SPATA21: variants seen among roughly 807,000 people sequenced by gnomAD.
SPATA21 encodes spermatogenesis-associated protein 21.
A neutral mutation model predicts 54.8 loss-of-function variants in SPATA21; 47 were observed. That is an observed-to-expected ratio of 0.86 (90% CI 0.68 to 1.09). The LOEUF is 1.09. Among genes scored for constraint, SPATA21 ranks in the 50% least tolerant of loss-of-function variants. SPATA21 has a pLI of 0.00. For synonymous variants in SPATA21, 245 were observed against 235.3 expected, an observed-to-expected ratio of 1.04 and a Z score of -0.38; for missense variants, 599 against 596.4, an observed-to-expected ratio of 1.00 and a Z score of -0.05.
intron 10 of SPATA21, among the ~76,000 whole-genome samples, chr1:16,401,251 G>A (rs2085437800): frequency 1.3e-5 from 2 of 152,200 alleles, no homozygotes; most frequent in Non-Finnish European, 2.9e-5. Context: ...GCAGCATGGT[G>A]TCTGGCACAC....
intron 3 of SPATA21, among the ~76,000 whole-genome samples, chr1:16,424,371 A>G (rs1163289595): frequency 2.7e-5 from 4 of 149,806 alleles, no homozygotes; most frequent in African/African-American, 7.4e-5. Flanking sequence ...TAAGTTTGGG[A>G]AAGGCAATAT....
downstream of SPATA21, chr1:16,397,158 C>T (rs1388777623): frequency 6.6e-6 from 1 of 152,326 alleles, no homozygotes; most frequent in African/African-American, 2.4e-5. This position sits in a 1 kb window ranked among gnomAD's most constrained non-coding sequence, Gnocchi z 5.4. Flanking sequence ...CCCCACTACC[C>T]TCTAGTGGGA....
chr1:16,425,168 C>T (rs774432409), intron 3 of SPATA21: 23 of 472,034 alleles, frequency 4.9e-5, no homozygotes, highest in Non-Finnish European at 8.4e-5. Context: ...CCTTCGGCCT[C>T]CAGAAGTGCT....
chr1:16,431,445 C>T (rs779934745), intron 2 of SPATA21, 23 bp from the exon 3 acceptor site: 35 of 1,594,944 alleles, frequency 2.2e-5, no homozygotes, highest in African/African-American at 8.0e-5. Flanking sequence ...TCCAATCAAG[C>T]GTCCCACCAA....
At position 16,421,679 on chromosome 1, in the gene SPATA21, A is replaced by T. The variant is rs556746745; in HGVS notation, c.96-122T>A. The T allele has an allele frequency of 8.5e-7, 1 of 1,174,744 alleles. No individual in the cohort carries two copies. The highest frequency in any genetic ancestry group is 2.5e-5 in the East Asian group (1 of 40,178). 72.8% of individuals were successfully genotyped at this position (1,174,744 alleles called of 1,614,324 possible). ...CCAGCCTCATCCCCTTGGCCTTCTC[A>T]TCTCAGGGGGCTCCTTATGTCCCCA... is the stretch of plus-strand genomic sequence containing the variant. On this transcript the variant is annotated intron_variant, in intron 4 of 12. Coordinates refer to ENST00000335496, the MANE Select transcript of SPATA21 (RefSeq NM_198546.1). The surrounding 1 kb of genome is among the most constrained non-coding windows in gnomAD (Gnocchi z 5.2).
intron 7 of SPATA21, among the ~76,000 whole-genome samples, chr1:16,405,890 T>A (rs2085625897): frequency 6.6e-6 from 1 of 152,228 alleles, no homozygotes; most frequent in Admixed American, 6.5e-5. Context: ...CCTCTGAGCC[T>A]CAGTTTCCCC....
chr1:16,415,620 T>C (rs1275945704), intron 5 of SPATA21, among the ~76,000 whole-genome samples: 2 of 152,134 alleles, frequency 1.3e-5, no homozygotes, highest in Non-Finnish European at 2.9e-5. Context: ...AGTGTGTTGG[T>C]GTGATCTCGG....
chr1:16,398,590 A>G (rs2085352310), downstream of SPATA21: 2 of 676,956 alleles, frequency 3.0e-6, no homozygotes, highest in Non-Finnish European at 5.1e-6. Flanking sequence ...CTGAGAGCCC[A>G]GTGGTGGCTG....
chr1:16,436,301 G>A (rs766907445), intron 1 of SPATA21, among the ~76,000 whole-genome samples: 215 of 151,462 alleles, frequency 1.4e-3, no homozygotes, highest in Non-Finnish European at 2.5e-3. Flanking sequence ...CAGGAGAATT[G>A]CTTGAACCTG....
chr1:16,400,365 G>T, intron 11 of SPATA21: 3 of 806,486 alleles, frequency 3.7e-6, no homozygotes, highest in Non-Finnish European at 4.5e-6. Flanking sequence ...ATGATTATGA[G>T]TATTAAATTC....
intron 5 of SPATA21, among the ~76,000 whole-genome samples, chr1:16,419,972 T>C (rs1392438865): frequency 6.6e-6 from 1 of 151,876 alleles, no homozygotes; most frequent in East Asian, 2.0e-4. Context: ...CGCCTGAAGA[T>C]ATGGATTTGG....
chr1:16,427,846 G>T (rs1278121428), intron 3 of SPATA21: 6 of 1,540,440 alleles, frequency 3.9e-6, no homozygotes, highest in Admixed American at 2.0e-5. Context: ...CTGTTCTCTC[G>T]AGAGCCCCTC....
chr1:16,404,013 A>G lies in SPATA21; in HGVS notation c.838T>C (p.Phe280Leu). The G allele has an allele frequency of 6.4e-7, 1 of 1,558,110 alleles. No individual in the cohort carries two copies. Among genetic ancestry groups the G allele is most frequent in the Non-Finnish European group, 8.7e-7 (1 of 1,150,342 alleles). Residue 280 changes from phenylalanine (F) to leucine (L), a missense_variant, in exon 9 of 13, where the codon TTC (phenylalanine) becomes CTC (leucine). Transcript: ENST00000335496. ...CTGGTGTCTGTCATCACAGCCAAGA[A>G]GTCTTTGAAGTCCACACGACCATCT... ...NGDGRVDFKD[F>L]LAVMTDTRRF...
At chr1:16,417,574 C>G (rs2086047739) in intron 5 of SPATA21, among the ~76,000 whole-genome samples, 1 of 151,986 alleles carries the variant, frequency 6.6e-6, no homozygotes, top group African/African-American at 2.4e-5. Context: ...ATTACAGGCA[C>G]CTGCCACCAC....
chr1:16,404,072 A>T, intron 8 of SPATA21, 33 bp from the exon 9 acceptor site: 1 of 1,545,010 alleles, frequency 6.5e-7, no homozygotes, highest in Non-Finnish European at 8.8e-7. Context: ...GTGGGCAGGG[A>T]CCTTCGGAGC....
intron 5 of SPATA21, among the ~76,000 whole-genome samples, chr1:16,414,776 C>T: frequency 6.6e-6 from 1 of 151,136 alleles, no homozygotes; most frequent in East Asian, 2.0e-4. Context: ...CCTGTAATCC[C>T]AGCTACTCGG....
chr1:16,410,110 G>A (rs2085795940), intron 5 of SPATA21, 67 bp from the exon 6 acceptor site: 4 of 1,307,222 alleles, frequency 3.1e-6, no homozygotes, highest in Admixed American at 2.5e-5. Context: ...TCTCCTCCCT[G>A]CCATCCCCTC....
chr1:16,421,502 T>G lies in SPATA21; in HGVS notation c.144+7A>C. ...CTCGTCCCCGTTCCCCCTATGGCCC[T>G]ACTTACTGGTGGAGGAAGAGGCCCC... On this transcript the variant is annotated splice_region_variant and intron_variant, in intron 5 of 12. Transcript: ENST00000335496. The surrounding 1 kb of genome is among the most constrained non-coding windows in gnomAD (Gnocchi z 5.2). The G allele has an allele frequency of 6.2e-7, 1 of 1,613,028 alleles. No individual in the cohort carries two copies. Among genetic ancestry groups the G allele is most frequent in the Non-Finnish European group, 8.5e-7 (1 of 1,179,530 alleles).
Position 16,402,249 on chromosome 1 carries a change from C to CTTTTT in SPATA21, c.1002-1362_1002-1358dup, listed in dbSNP as rs869032281. Among the ~76,000 whole-genome samples the CTTTTT allele has an allele frequency of 6.6e-3, 370 of 55,962 alleles. 40 individuals are homozygous for CTTTTT. Among genetic ancestry groups the CTTTTT allele is most frequent in the Non-Finnish European group, 7.4e-3 (253 of 34,066 alleles). The allele number at this position is 55,962 out of a possible 152,430, so 36.7% of individuals were successfully genotyped here. A position where few individuals can be genotyped will look rare whatever the true frequency, so the allele number is the denominator to read the frequency against. On this transcript the variant is annotated intron_variant, in intron 10 of 12. Coordinates refer to ENST00000335496, the MANE Select transcript of SPATA21 (RefSeq NM_198546.1). ...CTTCTGGCAGTTCTGAGCTGCCATT[C>CTTTTT]TTTTTTTTTTTTTTTTTTTTTTTTT...
Sources: allele counts gnomAD v4.1 joint callset (sites outside exome capture counted in the v4.1 genomes callset), GRCh38; gene constraint gnomAD v4.1.1; non-coding constraint Gnocchi (gnomAD v3.1); transcripts MANE v1.5; gene names NCBI Gene and HGNC (gene_info 2026-07-23, HGNC 2026-07-21).